The following CDH13 variants were observed in gnomAD, a reference collection of about 807,000 sequenced individuals.
CDH13 encodes the protein cadherin 13, also known as cadherin-13.
A neutral mutation model predicts 63.8 loss-of-function variants in CDH13; 24 were observed. That is an observed-to-expected ratio of 0.38 (90% CI 0.27 to 0.53). The LOEUF (loss-of-function observed/expected upper bound fraction) is 0.53, where lower values mean the gene tolerates loss of function less well. CDH13 is among the 20% of genes least tolerant of loss of function. The pLI is 0.85. For missense variants in CDH13, 1,049 were observed against 903.1 expected (o/e 1.16, Z -2.07); for synonymous variants, 503 against 355.3 (o/e 1.42, Z -4.67).
intron 6 of CDH13, among the ~76,000 whole-genome samples, chr16:83,394,622 G>A (rs911918542): frequency 2.0e-5 from 3 of 152,204 alleles, no homozygotes; most frequent in Non-Finnish European, 4.4e-5. Context: ...TTGAGCAGAA[G>A]CGTGACATGA....
chr16:83,012,418 C>A (rs12149351), intron 2 of CDH13, among the ~76,000 whole-genome samples: 4,566 of 148,556 alleles, frequency 0.031, 100 homozygotes, highest in Non-Finnish European at 0.045. Context: ...AAAATAAAAT[C>A]GCTATTTTCC....
chr16:83,756,818 T>C (rs1249624309), intron 11 of CDH13, among the ~76,000 whole-genome samples: 20 of 152,178 alleles, frequency 1.3e-4, no homozygotes, highest in Non-Finnish European at 1.0e-4. Flanking sequence ...AAAAGAGAAG[T>C]AGACAAATCT....
intron 7 of CDH13, among the ~76,000 whole-genome samples, chr16:83,540,514 A>G (rs1166499060): frequency 6.6e-6 from 1 of 152,190 alleles, no homozygotes; most frequent in Non-Finnish European, 1.5e-5. Context: ...GCCTTTGCTC[A>G]CTAGAAGCAG....
At position 83,380,625 on chromosome 16, in the gene CDH13, G is replaced by A. The variant is rs529575861; in HGVS notation, c.781+35619G>A. On this transcript the variant is annotated intron_variant, in intron 6 of 13. Transcript: ENST00000567109. ...TTGGGACAAAATTCTACCATTCTCA[G>A]CACGTAGATTCTGCCCTCCAGGCCA... Among the ~76,000 whole-genome samples, 14 of 152,274 alleles carry A rather than the reference G, an allele frequency of 9.2e-5. No homozygotes were observed. The East Asian group carries it at 2.5e-3, about 27-fold the overall frequency.
intron 1 of CDH13, among the ~76,000 whole-genome samples, chr16:82,646,843 G>A (rs770468199): frequency 6.6e-6 from 1 of 152,194 alleles, no homozygotes; most frequent in Non-Finnish European, 1.5e-5. Context: ...AAGCTCGAGG[G>A]AAGCCTGAGT....
At chr16:83,380,306 T>C (rs1178734483) in intron 6 of CDH13, among the ~76,000 whole-genome samples, 2 of 152,202 alleles carry the variant, frequency 1.3e-5, no homozygotes, top group African/African-American at 4.8e-5. Context: ...CATACTATTG[T>C]TCTTTGTGCT....
chr16:83,262,516 T>A (rs969706361), intron 5 of CDH13, among the ~76,000 whole-genome samples: 4 of 152,192 alleles, frequency 2.6e-5, no homozygotes, highest in Non-Finnish European at 2.9e-5. Context: ...CCGTGAGCCA[T>A]TGGGAAGTAT....
At chr16:83,425,977 A>G (rs1481894281) in intron 6 of CDH13, among the ~76,000 whole-genome samples, 1 of 152,232 alleles carries the variant, frequency 6.6e-6, no homozygotes, top group Non-Finnish European at 1.5e-5. Context: ...AAAATGAGAT[A>G]TATAGTAAAT....
At chr16:83,792,747 C>T (rs1916358555) in intron 13 of CDH13, among the ~76,000 whole-genome samples, 1 of 138,420 alleles carries the variant, frequency 7.2e-6, no homozygotes, top group African/African-American at 2.6e-5. Context: ...CTGACAACAT[C>T]AATGGCTTTT....
intron 1 of CDH13, among the ~76,000 whole-genome samples, chr16:82,687,254 AG>A (rs1348611880): frequency 6.6e-6 from 1 of 152,182 alleles, no homozygotes; most frequent in Admixed American, 6.5e-5. Flanking sequence ...GTTTAGCACA[AG>A]GGGTAACTAA....
intron 6 of CDH13, among the ~76,000 whole-genome samples, chr16:83,401,397 G>A (rs1159825705): frequency 6.6e-6 from 1 of 151,632 alleles, no homozygotes; most frequent in Non-Finnish European, 1.5e-5. Context: ...AGGCGTGGTA[G>A]GCGTGGTGGG....
At chr16:82,686,774 T>A (rs1188193810) in intron 1 of CDH13, among the ~76,000 whole-genome samples, 1 of 152,162 alleles carries the variant, frequency 6.6e-6, no homozygotes, top group African/African-American at 2.4e-5. Context: ...CCTTTATAAA[T>A]GAGAGTTGAT....
intron 5 of CDH13, among the ~76,000 whole-genome samples, chr16:83,265,889 G>T (rs1340272498): frequency 2.6e-5 from 4 of 151,946 alleles, no homozygotes; most frequent in Admixed American, 6.6e-5. Flanking sequence ...CAAAATGGGT[G>T]ATGGGGTTGG....
At chr16:82,985,465 A>T (rs117471731) in intron 2 of CDH13, among the ~76,000 whole-genome samples, 109 of 152,288 alleles carry the variant, frequency 7.2e-4, no homozygotes, top group Middle Eastern at 3.4e-3. Context: ...TGCTTTGATG[A>T]CAACTGTATT....
intron 10 of CDH13, among the ~76,000 whole-genome samples, chr16:83,695,615 C>T (rs1905296384): frequency 6.6e-6 from 1 of 152,002 alleles, no homozygotes; most frequent in Non-Finnish European, 1.5e-5. Flanking sequence ...CTGAATTTAA[C>T]AAATAACTAG....
chr16:82,887,058 C>G (rs1165862074), intron 2 of CDH13, among the ~76,000 whole-genome samples: 1 of 151,998 alleles, frequency 6.6e-6, no homozygotes, highest in Non-Finnish European at 1.5e-5. Context: ...GGTTTCTCAC[C>G]CTAGAAGCCT....
At chr16:83,111,516 A>G (rs544808001) in intron 3 of CDH13, among the ~76,000 whole-genome samples, 1 of 152,364 alleles carries the variant, frequency 6.6e-6, no homozygotes, top group Non-Finnish European at 1.5e-5. Context: ...GTTGCAGCAT[A>G]CATCACATGG....
chr16:83,491,721 A>G (rs1411843474), intron 7 of CDH13, among the ~76,000 whole-genome samples: 4 of 152,048 alleles, frequency 2.6e-5, no homozygotes, highest in Non-Finnish European at 5.9e-5. Context: ...CCTTTACCTT[A>G]TTATCTATTA....
intron 5 of CDH13, among the ~76,000 whole-genome samples, chr16:83,227,772 C>G (rs1436583610): frequency 1.3e-5 from 2 of 152,230 alleles, no homozygotes; most frequent in East Asian, 3.9e-4. Flanking sequence ...GCGTCCACGC[C>G]AGGCAGTGCA....
Sources: gnomAD v4.1 joint callset for allele counts (sites outside exome capture counted in the v4.1 genomes callset) on GRCh38, gnomAD v4.1.1 for gene constraint, MANE v1.5 for transcripts, NCBI Gene and HGNC (gene_info 2026-07-23, HGNC 2026-07-21) for gene names.